The following COL24A1 variants were observed in gnomAD, a reference collection of about 807,000 sequenced individuals.
COL24A1 encodes the protein collagen alpha-1(XXIV) chain.
COL24A1 carries 224 observed loss-of-function variants against 253.9 expected under a neutral mutation model. The observed-to-expected ratio is 0.88, with a 90% confidence interval of 0.79 to 0.99. The LOEUF is 0.99. COL24A1 is among the 50% of genes least tolerant of loss of function. The pLI, the probability that COL24A1 is intolerant of heterozygous loss-of-function variation, is 0.00. For missense variants in COL24A1, 2,131 were observed against 2,068.5 expected, an observed-to-expected ratio of 1.03 and a Z score of -0.59; for synonymous variants, 685 against 673.7, an observed-to-expected ratio of 1.02 and a Z score of -0.26.
intron 2 of COL24A1, among the ~76,000 whole-genome samples, chr1:86,137,398 C>A (rs1650419126): frequency 6.6e-6 from 1 of 152,080 alleles, no homozygotes; most frequent in African/African-American, 2.4e-5. Flanking sequence ...ATGAAGTAGG[C>A]ACTGTTGTTA....
intron 32 of COL24A1, 101 bp downstream of exon 32, chr1:85,889,459 C>A: frequency 2.0e-6 from 2 of 990,584 alleles, no homozygotes; most frequent in Non-Finnish European, 3.1e-6. Context: ...ATAAATGCTG[C>A]TTTCTAAAAC....
chr1:85,825,052 C>A (rs1674097515), intron 43 of COL24A1, among the ~76,000 whole-genome samples: 1 of 150,998 alleles, frequency 6.6e-6, no homozygotes, highest in East Asian at 2.0e-4. Flanking sequence ...TAGGTATATC[C>A]CCCAATGCTA....
chr1:85,972,996 C>T (rs1021565708), intron 20 of COL24A1, among the ~76,000 whole-genome samples: 4 of 152,098 alleles, frequency 2.6e-5, no homozygotes, highest in African/African-American at 9.7e-5. Context: ...TTTATGTAAG[C>T]CTGTTTAAGC....
intron 4 of COL24A1, 23 bp from the exon 5 acceptor site, chr1:86,112,643 T>G: frequency 6.2e-7 from 1 of 1,610,526 alleles, no homozygotes; most frequent in South Asian, 1.1e-5. Context: ...AAAAAAGTCA[T>G]CATTCTTGGA....
At position 86,056,706 on chromosome 1, in the gene COL24A1, T is replaced by C. The variant is rs190563798; in HGVS notation, c.1851+1225A>G. 2.6e-5 allele frequency among the ~76,000 whole-genome samples: 4 copies of C among 151,780 alleles called. No individual in the cohort carries two copies. The East Asian group carries it at 7.8e-4, about 30-fold the overall frequency. ...CTGTCTCTACTAAAAATACAAAAAT[T>C]AGCCTGGTGTGGTGGCACGTGCCTG... On this transcript the variant is annotated intron_variant, in intron 10 of 59. Transcript: ENST00000370571.
chr1:85,871,958 C>T (rs1680558589), intron 35 of COL24A1, among the ~76,000 whole-genome samples: 2 of 152,220 alleles, frequency 1.3e-5, no homozygotes, highest in South Asian at 4.1e-4. Flanking sequence ...CCCATCGTTT[C>T]AGCCCCAAAT....
chr1:85,786,680 G>T (rs1284797975), intron 47 of COL24A1, among the ~76,000 whole-genome samples: 1 of 152,110 alleles, frequency 6.6e-6, no homozygotes, highest in Non-Finnish European at 1.5e-5. Context: ...CAATGATCTT[G>T]GGTTTTTAAA....
At chr1:86,084,032 G>GT (rs1702869401) in intron 7 of COL24A1, among the ~76,000 whole-genome samples, 2 of 152,244 alleles carry the variant, frequency 1.3e-5, no homozygotes, top group South Asian at 4.1e-4. Flanking sequence ...CTCTCGTAAA[G>GT]TTTGTCAAAT....
chr1:85,860,777 T>C (rs1679054031), intron 37 of COL24A1, among the ~76,000 whole-genome samples: 1 of 152,182 alleles, frequency 6.6e-6, no homozygotes, highest in Admixed American at 6.5e-5. Context: ...CAATTCAATA[T>C]GTGGTTTCTA....
chr1:86,146,327 C>A (rs1334602123), intron 1 of COL24A1, 144 bp from the exon 2 acceptor site: 9 of 634,492 alleles, frequency 1.4e-5, no homozygotes, highest in Non-Finnish European at 2.3e-5. Context: ...TGGTTAAGAC[C>A]AAAGGCTCTG....
chr1:85,984,653 T>C (rs916484893), intron 20 of COL24A1, among the ~76,000 whole-genome samples: 1 of 151,926 alleles, frequency 6.6e-6, no homozygotes, highest in African/African-American at 2.4e-5. Context: ...CTCCATTCTC[T>C]ACACTATTTG....
chr1:86,015,385 G>A (rs538110902), intron 19 of COL24A1, among the ~76,000 whole-genome samples: 1 of 152,260 alleles, frequency 6.6e-6, no homozygotes, highest in African/African-American at 2.4e-5. Context: ...AATGTTTTCA[G>A]TGTTGATGGA....
At chr1:85,849,488 C>T in intron 37 of COL24A1, 82 bp from the exon 38 acceptor site, 3 of 1,034,130 alleles carry the variant, frequency 2.9e-6, no homozygotes, top group Non-Finnish European at 4.5e-6. Flanking sequence ...ATCAGATAAT[C>T]ACTGGATTGG....
intron 48 of COL24A1, 63 bp from the exon 49 acceptor site, chr1:85,784,429 A>G (rs1669462497): frequency 8.0e-7 from 1 of 1,251,028 alleles, no homozygotes; most frequent in Non-Finnish European, 1.2e-6. Flanking sequence ...TGGCTTTTGA[A>G]TGAAACCCAA....
At chr1:85,807,368 T>C (rs1379546703) in intron 47 of COL24A1, among the ~76,000 whole-genome samples, 1 of 152,126 alleles carries the variant, frequency 6.6e-6, no homozygotes, top group East Asian at 1.9e-4. Context: ...TCATTGGAAA[T>C]AGGTTCTCTG....
chr1:85,909,922 C>T, intron 26 of COL24A1, 28 bp downstream of exon 26: 1 of 1,587,038 alleles, frequency 6.3e-7, no homozygotes, highest in Non-Finnish European at 8.6e-7. Flanking sequence ...TCTTTGGAAA[C>T]ATATTTTTCA....
At chr1:86,021,604 G>C (rs1009679611) in intron 18 of COL24A1, among the ~76,000 whole-genome samples, 10 of 152,090 alleles carry the variant, frequency 6.6e-5, no homozygotes, top group Non-Finnish European at 1.2e-4. Flanking sequence ...TTAGAATACT[G>C]CCTGGTATTG....
intron 24 of COL24A1, among the ~76,000 whole-genome samples, chr1:85,915,170 G>T (rs990827375): frequency 2.0e-5 from 3 of 152,156 alleles, no homozygotes; most frequent in Admixed American, 1.3e-4. Context: ...AAAACAAAAA[G>T]GCAAAGGAAA....
At chr1:86,139,182 G>A (rs1362744936) in intron 2 of COL24A1, among the ~76,000 whole-genome samples, 1 of 150,790 alleles carries the variant, frequency 6.6e-6, no homozygotes, top group African/African-American at 2.4e-5. Context: ...AGGAGAAAGG[G>A]GGGGGAGAGG....
Sources: gnomAD v4.1 joint callset for allele counts (sites outside exome capture counted in the v4.1 genomes callset) on GRCh38, gnomAD v4.1.1 for gene constraint, MANE v1.5 for transcripts, NCBI Gene and HGNC (gene_info 2026-07-23, HGNC 2026-07-21) for gene names.